The following PTPRD variants were observed in gnomAD, a reference collection of about 807,000 sequenced individuals.
The protein encoded by PTPRD is protein tyrosine phosphatase receptor type D.
A neutral mutation model predicts 214.5 loss-of-function variants in PTPRD; 34 were observed. The ratio of observed to expected loss-of-function variants is 0.16; its 90% CI spans 0.12 to 0.21. The LOEUF is 0.21. Among genes scored for constraint, PTPRD ranks in the 10% least tolerant of loss-of-function variants. PTPRD has a pLI of 1.00. For synonymous variants in PTPRD, 1,128 were observed against 845.7 expected (o/e 1.33, Z -5.79); for missense variants, 2,545 against 2,398.7 (o/e 1.06, Z -1.27).
At position 8,518,026 on chromosome 9, in the gene PTPRD, A is replaced by G; in HGVS notation, c.1365T>C (p.Tyr455=). 1.2e-6 allele frequency: 2 copies of G among 1,614,188 alleles called. No homozygotes were observed. Among genetic ancestry groups the G allele is most frequent in the Non-Finnish European group, 1.7e-6 (2 of 1,180,030 alleles). Residue 455 remains tyrosine (Y), a synonymous_variant, in exon 21 of 46, where the codon TAT becomes TAC. Coordinates refer to ENST00000381196, the MANE Select transcript of PTPRD (RefSeq NM_002839.4). ...NGQIQGYRVY[Y]TMDPTQHVNN... ...TGACATGTTGAGTGGGATCCATTGTATAATAAACTCTATATCCTTGGATCT... is the reference window on the plus strand; with the variant it reads ...TGACATGTTGAGTGGGATCCATTGTGTAATAAACTCTATATCCTTGGATCT...
intron 8 of PTPRD, among the ~76,000 whole-genome samples, chr9:9,458,267 T>A (rs1412871): frequency 6.6e-6 from 1 of 151,742 alleles, no homozygotes; most frequent in Non-Finnish European, 1.5e-5. Flanking sequence ...ATGGAAAATA[T>A]ATTTCACTTC....
At chr9:9,868,631 C>G (rs934478813) in intron 5 of PTPRD, among the ~76,000 whole-genome samples, 2 of 151,332 alleles carry the variant, frequency 1.3e-5, no homozygotes, top group African/African-American at 4.9e-5. Context: ...GGGAGAATAC[C>G]CTAACGTGCA....
intron 9 of PTPRD, among the ~76,000 whole-genome samples, chr9:9,192,678 G>C (rs1211464114): frequency 1.3e-5 from 2 of 151,974 alleles, no homozygotes; most frequent in Admixed American, 6.6e-5. Context: ...TAATATGAAA[G>C]ACTCTTCAGA....
intron 10 of PTPRD, among the ~76,000 whole-genome samples, chr9:9,166,712 C>T (rs796314492): frequency 3.3e-5 from 5 of 152,274 alleles, no homozygotes; most frequent in African/African-American, 1.2e-4. Flanking sequence ...TGATCCCTCA[C>T]TGGTCTTCTT....
chr9:9,427,135 A>T (rs1175192282), intron 8 of PTPRD, among the ~76,000 whole-genome samples: 1 of 152,192 alleles, frequency 6.6e-6, no homozygotes, highest in Non-Finnish European at 1.5e-5. Context: ...AGGATGTTTG[A>T]ACCCGTTACA....
At chr9:8,638,955 G>T (rs1399667060) in intron 12 of PTPRD, among the ~76,000 whole-genome samples, 4 of 152,094 alleles carry the variant, frequency 2.6e-5, no homozygotes. Flanking sequence ...CGATTCTCCT[G>T]CCTCAGCCTC....
At chr9:8,652,986 C>T (rs985514090) in intron 12 of PTPRD, among the ~76,000 whole-genome samples, 1 of 152,136 alleles carries the variant, frequency 6.6e-6, no homozygotes, top group Admixed American at 6.5e-5. Flanking sequence ...TTCCCTCCAT[C>T]TTTATATAAC....
At position 8,945,928 on chromosome 9, in the gene PTPRD, T is replaced by C. The variant is rs1349887259; in HGVS notation, c.-104+72769A>G. Among the ~76,000 whole-genome samples, 4 of 152,192 alleles carry C rather than the reference T, an allele frequency of 2.6e-5. No individual in the cohort carries two copies. The East Asian group carries it at 5.8e-4, about 22-fold the overall frequency. ...TTACATTAAAGTCATATTCAAGTTCTTAATTCCTGTAATATATTCTCCTCA... is the reference window on the plus strand; with the variant it reads ...TTACATTAAAGTCATATTCAAGTTCCTAATTCCTGTAATATATTCTCCTCA... On this transcript the variant is annotated intron_variant, in intron 11 of 45. Coordinates refer to ENST00000381196, the MANE Select transcript of PTPRD (RefSeq NM_002839.4).
chr9:8,700,659 TAAAGA>T (rs1233650583), intron 12 of PTPRD: 1 of 152,152 alleles, frequency 6.6e-6, no homozygotes, highest in Non-Finnish European at 1.5e-5. Flanking sequence ...GGAGAGTAAT[TAAAGA>T]AAACTCTTGA....
At chr9:9,560,881 C>T (rs952027292) in intron 8 of PTPRD, among the ~76,000 whole-genome samples, 3 of 152,094 alleles carry the variant, frequency 2.0e-5, no homozygotes, top group Non-Finnish European at 4.4e-5. Context: ...TTCTCCCTTG[C>T]CTTCATGGTC....
intron 8 of PTPRD, among the ~76,000 whole-genome samples, chr9:9,446,716 T>C (rs964679396): frequency 6.6e-6 from 1 of 152,116 alleles, no homozygotes; most frequent in South Asian, 2.1e-4. Context: ...ATGGTCAATC[T>C]ACAGACATCT....
At chr9:9,214,700 C>T (rs7041436) in intron 9 of PTPRD, among the ~76,000 whole-genome samples, 26,714 of 151,962 alleles carry the variant, frequency 0.18, 2,615 homozygotes, top group Middle Eastern at 0.22. Flanking sequence ...TTATCTAGCC[C>T]TTCTAATGTT....
intron 2 of PTPRD, among the ~76,000 whole-genome samples, chr9:10,532,796 C>T (rs1483415237): frequency 6.6e-6 from 1 of 151,802 alleles, no homozygotes; most frequent in Non-Finnish European, 1.5e-5. Context: ...AAATTCAATG[C>T]TTCCAGACTA....
chr9:10,397,707 G>A (rs1190773287), intron 2 of PTPRD, among the ~76,000 whole-genome samples: 1 of 151,940 alleles, frequency 6.6e-6, no homozygotes, highest in African/African-American at 2.4e-5. Flanking sequence ...TGCTGTGCAG[G>A]CCTGTGGCCT....
intron 35 of PTPRD, among the ~76,000 whole-genome samples, chr9:8,407,702 A>T (rs753387153): frequency 5.3e-5 from 8 of 152,238 alleles, no homozygotes; most frequent in Non-Finnish European, 1.2e-4. Context: ...GGTTGGCTTC[A>T]CATGGATGAT....
At chr9:8,640,259 A>G (rs1024747650) in intron 12 of PTPRD, among the ~76,000 whole-genome samples, 1 of 152,128 alleles carries the variant, frequency 6.6e-6, no homozygotes, top group Non-Finnish European at 1.5e-5. Flanking sequence ...TGACAAGTAT[A>G]AAAATATGCC....
rs568874285 is a variant in PTPRD, at chr9:9,446,202, C to T, written c.-236-48720G>A. Among the ~76,000 whole-genome samples the T allele has an allele frequency of 1.9e-3, 284 of 152,228 alleles. 2 individuals are homozygous for T. Among genetic ancestry groups the T allele is most frequent in the African/African-American group, 5.4e-3 (223 of 41,560 alleles). The stretch of plus-strand genomic sequence containing the variant: ...GAAAGTCAAAGTTCAAGAAAGACTA[C>T]ACTTAAGAAATTCCCTGAGAGTTAC... On this transcript the variant is annotated intron_variant, in intron 8 of 45. Coordinates refer to ENST00000381196, the MANE Select transcript of PTPRD (RefSeq NM_002839.4).
chr9:9,947,443 T>TATA (rs1566619191), intron 4 of PTPRD, among the ~76,000 whole-genome samples: 1 of 26,366 alleles, frequency 3.8e-5, no homozygotes, highest in Non-Finnish European at 5.0e-5. Flanking sequence ...ATATTATATA[T>TATA]TTTATATATT....
At chr9:9,138,522 CTT>C (rs2099854641) in intron 10 of PTPRD, among the ~76,000 whole-genome samples, 1 of 151,984 alleles carries the variant, frequency 6.6e-6, no homozygotes, top group African/African-American at 2.4e-5. Context: ...TTAAAGGTGA[CTT>C]GTGACCATTT....
Sources: gnomAD v4.1 joint callset for allele counts (sites outside exome capture counted in the v4.1 genomes callset) on GRCh38, gnomAD v4.1.1 for gene constraint, MANE v1.5 for transcripts, NCBI Gene and HGNC (gene_info 2026-07-23, HGNC 2026-07-21) for gene names.